The following EPHA3 variants were observed in gnomAD, a reference collection of about 807,000 sequenced individuals.
EPHA3 encodes EPH receptor A3.
Under a neutral mutation model 107.1 loss-of-function variants are expected in EPHA3, and 42 were observed. The observed-to-expected ratio is 0.39, with a 90% CI of 0.31 to 0.51. The LOEUF (loss-of-function observed/expected upper bound fraction) is 0.51. Among genes scored for constraint, EPHA3 ranks in the 20% least tolerant of loss-of-function variants. The probability of loss-of-function intolerance (pLI) is 0.78; values close to 1 mark genes in which losing one functional copy is unlikely to be tolerated. For synonymous variants in EPHA3, 461 were observed against 424.8 expected (o/e 1.09, Z -1.05); for missense variants, 1,183 against 1,211.2 (o/e 0.98, Z 0.35).
At position 89,136,335 on chromosome 3, in the gene EPHA3, T is replaced by C. The variant is rs1360450130; in HGVS notation, c.153+9062T>C. Among the ~76,000 whole-genome samples, 519 of 133,576 alleles carry C rather than the reference T, an allele frequency of 3.9e-3. 5 individuals carry two copies. The highest frequency in any genetic ancestry group is 0.014 in the African/African-American group (493 of 36,014). 87.6% of individuals were successfully genotyped at this position (133,576 alleles called of 152,430 possible). The stretch of plus-strand genomic sequence containing the variant: ...ACATGGCAAAATCTTACAGGCTTTT[T>C]TTTTTTTTTTTTTTTTTTTGACCCT... On this transcript the variant is annotated intron_variant, in intron 2 of 16. Transcript: ENST00000336596.
intron 3 of EPHA3, among the ~76,000 whole-genome samples, chr3:89,273,741 A>C (rs553023628): frequency 1.3e-5 from 2 of 152,014 alleles, no homozygotes; most frequent in Non-Finnish European, 2.9e-5. Flanking sequence ...TTTCTGTTTT[A>C]AGGCACCTTA....
Position 89,422,283 on chromosome 3 carries a change from C to G in EPHA3, c.2074+2893C>G, listed in dbSNP as rs553266993. Among the ~76,000 whole-genome samples, 6 of 149,692 alleles carry G rather than the reference C, an allele frequency of 4.0e-5. No homozygotes were observed. In the East Asian group the frequency reaches 1.2e-3, roughly 29 times the overall value. On this transcript the variant is annotated intron_variant, in intron 11 of 16. Transcript: ENST00000336596. ...CTATTTATTCTACTGCTATTATTGTCTTTGTTTCCTGAGATTTCTAAAACA... is the reference window on the plus strand; with the variant it reads ...CTATTTATTCTACTGCTATTATTGTGTTTGTTTCCTGAGATTTCTAAAACA...
chr3:89,113,055 G>A (rs1380921882), intron 1 of EPHA3, among the ~76,000 whole-genome samples: 1 of 152,038 alleles, frequency 6.6e-6, no homozygotes, highest in African/African-American at 2.4e-5. Context: ...ATCACGGAAG[G>A]TCAATAAAGG....
intron 5 of EPHA3, among the ~76,000 whole-genome samples, chr3:89,368,341 A>G (rs1708223314): frequency 6.6e-6 from 1 of 150,536 alleles, no homozygotes; most frequent in Non-Finnish European, 1.5e-5. Flanking sequence ...TAGTTAGGGC[A>G]CTCCAGAAAA....
chr3:89,266,317 C>T (rs534555172), intron 3 of EPHA3, among the ~76,000 whole-genome samples: 9 of 152,254 alleles, frequency 5.9e-5, no homozygotes, highest in African/African-American at 1.9e-4. Context: ...TGGTTCCTTA[C>T]TCTTAATTAC....
intron 5 of EPHA3, among the ~76,000 whole-genome samples, chr3:89,345,114 C>T (rs1258677850): frequency 6.6e-6 from 1 of 150,918 alleles, no homozygotes; most frequent in South Asian, 2.1e-4. Context: ...GTGGAATATG[C>T]ATATCTGTTC....
intron 3 of EPHA3, among the ~76,000 whole-genome samples, chr3:89,222,226 C>T (rs1478057112): frequency 6.6e-6 from 1 of 151,516 alleles, no homozygotes; most frequent in Non-Finnish European, 1.5e-5. Flanking sequence ...TCATTATTAG[C>T]TTGACAGATC....
chr3:89,118,127 T>A (rs1707298244), intron 1 of EPHA3, among the ~76,000 whole-genome samples: 1 of 152,034 alleles, frequency 6.6e-6, no homozygotes, highest in Non-Finnish European at 1.5e-5. Context: ...TTAATACTCA[T>A]TTACATTCGA....
chr3:89,431,832 A>T (rs1314443556), intron 13 of EPHA3, among the ~76,000 whole-genome samples: 1 of 152,194 alleles, frequency 6.6e-6, no homozygotes, highest in African/African-American at 2.4e-5. Context: ...CCATCCACAG[A>T]CAACATTTAT....
intron 9 of EPHA3, among the ~76,000 whole-genome samples, chr3:89,410,232 A>G (rs1709133045): frequency 6.6e-6 from 1 of 152,094 alleles, no homozygotes; most frequent in East Asian, 1.9e-4. Flanking sequence ...ATTAATAGAA[A>G]TTAATAGGAT....
intron 2 of EPHA3, among the ~76,000 whole-genome samples, chr3:89,170,693 T>TA (rs1705192615): frequency 6.6e-6 from 1 of 152,198 alleles, no homozygotes; most frequent in Non-Finnish European, 1.5e-5. Context: ...GTATCAGTTA[T>TA]AAAAATGATA....
At chr3:89,401,505 T>C (rs1708962057) in intron 7 of EPHA3, among the ~76,000 whole-genome samples, 1 of 152,196 alleles carries the variant, frequency 6.6e-6, no homozygotes, top group African/African-American at 2.4e-5. Flanking sequence ...AATAATAAAA[T>C]ATAAGTGTAA....
At chr3:89,475,794 C>G (rs1710493761) in intron 16 of EPHA3, among the ~76,000 whole-genome samples, 1 of 152,020 alleles carries the variant, frequency 6.6e-6, no homozygotes, top group South Asian at 2.1e-4. Context: ...ACACTTTAAC[C>G]TCTGGTCTCA....
chr3:89,408,819 G>A (rs566447883), intron 9 of EPHA3, among the ~76,000 whole-genome samples: 3 of 152,118 alleles, frequency 2.0e-5, no homozygotes, highest in African/African-American at 7.2e-5. Flanking sequence ...AGCTTAAATA[G>A]CATGTTCTCA....
chr3:89,393,945 C>T (rs1214503255), intron 5 of EPHA3, among the ~76,000 whole-genome samples: 4 of 148,900 alleles, frequency 2.7e-5, no homozygotes, highest in African/African-American at 1.0e-4. Flanking sequence ...GGGGTGAAGC[C>T]AATTTAGGGA....
chr3:89,198,933 G>A (rs114071406), intron 2 of EPHA3, among the ~76,000 whole-genome samples: 2,125 of 152,258 alleles, frequency 0.014, 40 homozygotes, highest in African/African-American at 0.045. Context: ...GACAAGTTAA[G>A]CCAATGTGCA....
At chr3:89,195,015 G>A (rs751613615) in intron 2 of EPHA3, among the ~76,000 whole-genome samples, 2 of 151,864 alleles carry the variant, frequency 1.3e-5, no homozygotes, top group Admixed American at 6.6e-5. Context: ...TACAGTTTCC[G>A]ACATTTCATT....
chr3:89,413,219 A>C lies in EPHA3; in HGVS notation c.1841A>C (p.Lys614Thr). ...ACCCAAGCTGTTCATGAGTTTGCCA[A>C]GGAATTGGATGCCACCAACATATCC... Reference protein sequence around the residue: ...DPTQAVHEFAKELDATNISID... With the variant: ...DPTQAVHEFATELDATNISID... Residue 614 changes from lysine to threonine, a missense_variant, in exon 10 of 17, where the codon AAG becomes ACG. Transcript: ENST00000336596. The C allele has an allele frequency of 1.2e-6, 2 of 1,611,874 alleles. No individual in the cohort carries two copies. Among genetic ancestry groups the C allele is most frequent in the Non-Finnish European group, 1.7e-6 (2 of 1,178,488 alleles).
intron 3 of EPHA3, among the ~76,000 whole-genome samples, chr3:89,260,402 G>A (rs559034712): frequency 1.1e-4 from 17 of 152,206 alleles, no homozygotes; most frequent in South Asian, 1.0e-3. Context: ...ATATCTCATA[G>A]TGGTTTTAAT....
Sources: gnomAD v4.1 joint callset for allele counts (sites outside exome capture counted in the v4.1 genomes callset) on GRCh38, gnomAD v4.1.1 for gene constraint, MANE v1.5 for transcripts, NCBI Gene and HGNC (gene_info 2026-07-23, HGNC 2026-07-21) for gene names.